Variants in RGS6 observed in about 807,000 individuals in gnomAD.
The protein encoded by RGS6 is regulator of G protein signaling 6.
In RGS6, 30 loss-of-function variants were observed where a neutral mutation model predicts 78.5. The ratio of observed to expected loss-of-function variants is 0.38; its 90% CI spans 0.29 to 0.52. The LOEUF (loss-of-function observed/expected upper bound fraction) is 0.52, where lower values mean the gene tolerates loss of function less well. Among genes scored for constraint, RGS6 ranks in the 20% least tolerant of loss-of-function variants. The pLI, the probability that RGS6 is intolerant of heterozygous loss-of-function variation, is 0.85. For synonymous variants in RGS6, 206 were observed against 206.0 expected, an observed-to-expected ratio of 1.00 and a Z score of 0.00; for missense variants, 495 against 609.7, an observed-to-expected ratio of 0.81 and a Z score of 1.98.
At chr14:71,905,726 G>A in the RGS6 span, among the ~76,000 whole-genome samples, 1 of 152,298 alleles carries the variant, frequency 6.6e-6, no homozygotes, top group Admixed American at 6.5e-5. Flanking sequence ...CTGAGCTCAG[G>A]GAGTCTGCCT....
At chr14:72,504,824 G>C (rs760261151) in intron 13 of RGS6, among the ~76,000 whole-genome samples, 1 of 150,434 alleles carries the variant, frequency 6.6e-6, no homozygotes, top group Non-Finnish European at 1.5e-5. Context: ...CGGGATCTCA[G>C]CTCACTGCAA....
chr14:72,192,643 A>C (rs150286496), intron 2 of RGS6, among the ~76,000 whole-genome samples: 2,154 of 152,326 alleles, frequency 0.014, 20 homozygotes, highest in Non-Finnish European at 0.021. Flanking sequence ...TCCTATTTGC[A>C]CGTCTCTGCT....
chr14:72,249,763 A>G (rs1427110896), intron 2 of RGS6, among the ~76,000 whole-genome samples: 2 of 152,176 alleles, frequency 1.3e-5, no homozygotes, highest in South Asian at 4.1e-4. Flanking sequence ...CTGTGAGAAA[A>G]AAAAGTACTA....
intron 2 of RGS6, among the ~76,000 whole-genome samples, chr14:72,121,775 C>A (rs1004364693): frequency 1.3e-5 from 2 of 152,148 alleles, no homozygotes; most frequent in African/African-American, 4.8e-5. Context: ...ATGTCAGATT[C>A]TTGCAGTCTC....
At chr14:72,573,542 GC>G in the RGS6 span, among the ~76,000 whole-genome samples, 53 of 152,346 alleles carry the variant, frequency 3.5e-4, no homozygotes, top group East Asian at 0.01. Context: ...TGAACCAGAT[GC>G]CCCTGTGTTT....
intron 2 of RGS6, among the ~76,000 whole-genome samples, chr14:72,317,250 TAAC>T (rs775655584): frequency 6.6e-6 from 1 of 151,996 alleles, no homozygotes; most frequent in Non-Finnish European, 1.5e-5. Flanking sequence ...CCAATAATAA[TAAC>T]AATAATAATA....
intron 1 of RGS6, among the ~76,000 whole-genome samples, chr14:71,958,224 AT>A (rs1036869579): frequency 6.6e-6 from 1 of 152,198 alleles, no homozygotes; most frequent in African/African-American, 2.4e-5. Flanking sequence ...TGTGCCAAAC[AT>A]CTACTTTATG....
At chr14:72,255,437 C>T (rs960564940) in intron 2 of RGS6, among the ~76,000 whole-genome samples, 5 of 152,156 alleles carry the variant, frequency 3.3e-5, no homozygotes. Flanking sequence ...TACCAACATA[C>T]TGGGGGTTTG....
intron 3 of RGS6, among the ~76,000 whole-genome samples, chr14:72,429,965 G>T (rs1364324769): frequency 1.3e-5 from 2 of 152,148 alleles, no homozygotes; most frequent in Admixed American, 1.3e-4. Context: ...TGTGAAGAAG[G>T]TACCTTGCTT....
intron 15 of RGS6, among the ~76,000 whole-genome samples, chr14:72,523,966 T>C (rs2097087579): frequency 6.6e-6 from 1 of 152,200 alleles, no homozygotes; most frequent in Non-Finnish European, 1.5e-5. Context: ...TTTTGTGCCT[T>C]AGTTTCCTCA....
At chr14:72,476,693 C>G in intron 10 of RGS6, 49 bp from the exon 11 acceptor site, 2 of 1,536,074 alleles carry the variant, frequency 1.3e-6, no homozygotes, top group East Asian at 2.3e-5. Context: ...CCTAAGCCAC[C>G]CTCCAATTCT....
At chr14:72,119,249 T>A (rs2095987082) in intron 2 of RGS6, among the ~76,000 whole-genome samples, 1 of 152,168 alleles carries the variant, frequency 6.6e-6, no homozygotes, top group Non-Finnish European at 1.5e-5. Context: ...GGTAGAGCTT[T>A]TTAACACAGT....
the RGS6 span, among the ~76,000 whole-genome samples, chr14:71,902,915 C>G: frequency 3.0e-4 from 46 of 152,342 alleles, no homozygotes; most frequent in Middle Eastern, 3.4e-3. Context: ...GAGCACAGGG[C>G]AGGTGATGTG....
chr14:72,115,600 C>G (rs577883748), intron 2 of RGS6, among the ~76,000 whole-genome samples: 1 of 152,182 alleles, frequency 6.6e-6, no homozygotes, highest in African/African-American at 2.4e-5. Flanking sequence ...TTCCTGCCCC[C>G]TCAGCCTGCT....
intron 1 of RGS6, among the ~76,000 whole-genome samples, chr14:71,957,596 T>C (rs1226793859): frequency 6.6e-6 from 1 of 152,004 alleles, no homozygotes; most frequent in Non-Finnish European, 1.5e-5. Context: ...CAGAGCAGCG[T>C]GGAGTTCAGA....
chr14:72,621,538 C>T, the RGS6 span, among the ~76,000 whole-genome samples: 3 of 152,138 alleles, frequency 2.0e-5, no homozygotes, highest in Admixed American at 6.5e-5. Flanking sequence ...TGCTAAAACC[C>T]GTCAGTGGGG....
chr14:72,629,700 G>A, the RGS6 span: 1 of 1,536,108 alleles, frequency 6.5e-7, no homozygotes, highest in Non-Finnish European at 8.7e-7. Flanking sequence ...GACAGCCTCG[G>A]TCATGTTCAG....
At chr14:72,449,874 C>A (rs745763530) in intron 3 of RGS6, among the ~76,000 whole-genome samples, 38 of 152,190 alleles carry the variant, frequency 2.5e-4, no homozygotes, top group Non-Finnish European at 5.1e-4. Flanking sequence ...CTGGCCCTTT[C>A]CCCAGAGAGC....
At chr14:71,927,663 CTTT>C (rs550261245), upstream of RGS6, among the ~76,000 whole-genome samples, 1 of 143,696 alleles carries the variant, frequency 7.0e-6, no homozygotes, top group African/African-American at 2.6e-5. Context: ...CTTTTTTTTT[CTTT>C]TTTTTTTTTG....
Sources: allele counts gnomAD v4.1 joint callset (sites outside exome capture counted in the v4.1 genomes callset), GRCh38; gene constraint gnomAD v4.1.1; transcripts MANE v1.5; gene names NCBI Gene and HGNC (gene_info 2026-07-23, HGNC 2026-07-21).